Variants in DOCK9 observed in about 807,000 individuals in gnomAD.
The protein encoded by DOCK9 is dedicator of cytokinesis 9, also known as dedicator of cytokinesis protein 9.
A neutral mutation model predicts 263.3 loss-of-function variants in DOCK9; 89 were observed. The observed-to-expected ratio is 0.34, with a 90% CI of 0.28 to 0.40. The LOEUF is 0.40. Among genes scored for constraint, DOCK9 ranks in the 10% least tolerant of loss-of-function variants. DOCK9 has a pLI of 1.00. For missense variants in DOCK9, 2,140 were observed against 2,603.4 expected, an observed-to-expected ratio of 0.82 and a Z score of 3.87; for synonymous variants, 976 against 973.1, an observed-to-expected ratio of 1.00 and a Z score of -0.06.
chr13:98,917,964 C>A (rs147028324), intron 7 of DOCK9, among the ~76,000 whole-genome samples: 217 of 152,298 alleles, frequency 1.4e-3, no homozygotes, highest in African/African-American at 4.9e-3. Flanking sequence ...TGCAACCAGG[C>A]CTCTCTGTCA....
chr13:99,041,303 G>C (rs1016773194), intron 1 of DOCK9, among the ~76,000 whole-genome samples: 1 of 152,062 alleles, frequency 6.6e-6, no homozygotes, highest in Non-Finnish European at 1.5e-5. Context: ...GGGCAACATA[G>C]AGAAACCCTT....
At chr13:98,907,581 C>T (rs2049315373) in intron 9 of DOCK9, among the ~76,000 whole-genome samples, 1 of 152,184 alleles carries the variant, frequency 6.6e-6, no homozygotes, top group African/African-American at 2.4e-5. Context: ...TTACCACAGA[C>T]ATCATTTATT....
At chr13:98,949,253 T>A (rs752058553) in intron 2 of DOCK9, among the ~76,000 whole-genome samples, 5 of 152,168 alleles carry the variant, frequency 3.3e-5, no homozygotes, top group Non-Finnish European at 7.4e-5. Flanking sequence ...TTTCTTTTTT[T>A]CCAGAGACAA....
upstream of DOCK9, among the ~76,000 whole-genome samples, chr13:98,980,277 G>A (rs1407638450): frequency 6.6e-6 from 1 of 152,260 alleles, no homozygotes; most frequent in East Asian, 1.9e-4. Flanking sequence ...CACTGTAAGT[G>A]CTGGCTATGG....
intron 1 of DOCK9, among the ~76,000 whole-genome samples, chr13:99,003,588 C>T (rs1464891933): frequency 6.6e-6 from 1 of 152,208 alleles, no homozygotes; most frequent in Non-Finnish European, 1.5e-5. Flanking sequence ...TGATCCATTC[C>T]TTCAGTGCTC....
At chr13:99,024,166 T>C (rs1886447397) in intron 1 of DOCK9, among the ~76,000 whole-genome samples, 1 of 152,176 alleles carries the variant, frequency 6.6e-6, no homozygotes, top group South Asian at 2.1e-4. Flanking sequence ...ACAGCACATC[T>C]ATTGGCAAAG....
intron 38 of DOCK9, among the ~76,000 whole-genome samples, chr13:98,838,436 T>C (rs562079254): frequency 1.3e-5 from 2 of 152,242 alleles, no homozygotes; most frequent in Non-Finnish European, 2.9e-5. Flanking sequence ...AATCAAGAGT[T>C]GACTGCGCTG....
intron 41 of DOCK9, among the ~76,000 whole-genome samples, chr13:98,830,596 C>A (rs1247477282): frequency 6.6e-6 from 1 of 152,184 alleles, no homozygotes; most frequent in Non-Finnish European, 1.5e-5. Context: ...TTCACTGTGG[C>A]CTGGAACATG....
In DOCK9 at chr13:98,881,809, C is replaced by T. The variant is rs988365764; in HGVS notation, c.2675+83G>A. On this transcript the variant is annotated intron_variant, in intron 24 of 52. Transcript: ENST00000682017. Reference sequence around the variant, plus strand: ...TTTCTTAAATGTAATGTTCAGCACACAGTAGCATCCCAGCTATGCATGACT... The same window carrying T: ...TTTCTTAAATGTAATGTTCAGCACATAGTAGCATCCCAGCTATGCATGACT... The T allele has an allele frequency of 4.5e-6, 6 of 1,324,738 alleles. No homozygotes were observed. The African/African-American group carries it at 8.8e-5, about 19-fold the overall frequency. The allele number at this position is 1,324,738 out of a possible 1,614,324, so 82.1% of individuals were successfully genotyped here.
chr13:98,864,810 C>T (rs987601752), intron 30 of DOCK9, among the ~76,000 whole-genome samples: 3 of 152,094 alleles, frequency 2.0e-5, no homozygotes, highest in Non-Finnish European at 4.4e-5. Flanking sequence ...GCGAATCCCT[C>T]ATGAATGGCT....
At chr13:98,835,908 T>C (rs11838817) in intron 39 of DOCK9, among the ~76,000 whole-genome samples, 72 of 152,154 alleles carry the variant, frequency 4.7e-4, no homozygotes, top group African/African-American at 1.7e-3. Flanking sequence ...TGGCTATTTT[T>C]TTGCATTTTA....
At position 98,863,040 on chromosome 13, in the gene DOCK9, G is replaced by A. The variant is rs191794519; in HGVS notation, c.3558C>T (p.Pro1186=). 35 of 1,609,804 alleles carry A rather than the reference G, an allele frequency of 2.2e-5. No homozygotes were observed. The East Asian group carries it at 7.1e-4, about 33-fold the overall frequency. The part of the protein sequence containing the change: ...VQRINVRDVS[P]FPVNAGMTVK... Reference sequence around the variant, plus strand: ...GTACCATGCCCGCGTTCACAGGGAAGGGTGACACATCCCTCACATTGATCC... The same window carrying A: ...GTACCATGCCCGCGTTCACAGGGAAAGGTGACACATCCCTCACATTGATCC... Residue 1186 remains proline, a synonymous_variant, in exon 32 of 53, where the codon CCC becomes CCT. Transcript: ENST00000682017.
intron 9 of DOCK9, among the ~76,000 whole-genome samples, chr13:98,912,397 G>A (rs112994695): frequency 1.3e-5 from 2 of 152,122 alleles, no homozygotes; most frequent in African/African-American, 4.8e-5. Context: ...TGAGCATTCT[G>A]CTATTGCAAA....
intron 26 of DOCK9, 114 bp from the exon 27 acceptor site, chr13:98,880,083 G>A (rs2044493092): frequency 5.4e-6 from 4 of 742,822 alleles, no homozygotes; most frequent in South Asian, 2.0e-5. Flanking sequence ...CCTAAAACAC[G>A]GCTGCACCTC....
chr13:98,802,398 G>A (rs1236994677), intron 49 of DOCK9, among the ~76,000 whole-genome samples: 1 of 152,232 alleles, frequency 6.6e-6, no homozygotes, highest in African/African-American at 2.4e-5. Flanking sequence ...GCTCTGGAAG[G>A]TGGACAATTA....
At chr13:99,064,874 C>G (rs1324987) in intron 1 of DOCK9, among the ~76,000 whole-genome samples, 1 of 152,004 alleles carries the variant, frequency 6.6e-6, no homozygotes, top group African/African-American at 2.4e-5. Context: ...AAAATGAAGG[C>G]CCCCTAATAG....
rs571069692 is a variant in DOCK9, at chr13:98,991,888, C to T, written c.130-36337G>A. 2.8e-4 allele frequency among the ~76,000 whole-genome samples: 42 copies of T among 152,116 alleles called. 1 individual carries two copies. The South Asian group carries it at 8.3e-3, about 30-fold the overall frequency. On this transcript the variant is annotated intron_variant, in intron 1 of 32. Coordinates refer to the DOCK9 transcript ENST00000427887. ...GCAGAGACCAGGCACAGTCAAGGAA[C>T]ATGCTGCTTGATGATCCTTGCTTTC...
chr13:98,903,028 A>C lies in DOCK9; in HGVS notation c.1120T>G (p.Leu374Val). 6.5e-7 allele frequency: 1 copy of C among 1,542,408 alleles called. No individual in the cohort carries two copies. The highest frequency in any genetic ancestry group is 8.7e-7 in the Non-Finnish European group (1 of 1,144,098). The change falls in exon 11 of 53, where the codon TTA becomes GTA. Residue 374 changes from leucine (L) to valine (V), a missense_variant. Physicochemically the swap from Leu to Val is conservative, Grantham distance 32 (BLOSUM62 1). Transcript: ENST00000682017. ...GKRILVKCNDLSFNLQCCVAE... is the reference protein window; with the variant it reads ...GKRILVKCNDVSFNLQCCVAE... ...ACACAGCATTGCAAATTGAAAGATA[A>C]ATCATTGCACTTGACAAGGATCCTT...
chr13:98,917,673 A>G (rs560309466), intron 7 of DOCK9, among the ~76,000 whole-genome samples: 1 of 140,096 alleles, frequency 7.1e-6, no homozygotes, highest in Admixed American at 7.4e-5. Flanking sequence ...GGGCGGGGGT[A>G]CTGCACAGTG....
Sources: allele counts gnomAD v4.1 joint callset (sites outside exome capture counted in the v4.1 genomes callset), GRCh38; gene constraint gnomAD v4.1.1; transcripts MANE v1.5; gene names NCBI Gene and HGNC (gene_info 2026-07-23, HGNC 2026-07-21).